The following RICTOR variants were observed in gnomAD, a reference collection of about 807,000 sequenced individuals.
RICTOR encodes RPTOR independent companion of MTOR complex 2.
RICTOR carries 49 observed loss-of-function variants against 214.9 expected under a neutral mutation model. The observed-to-expected ratio is 0.23, with a 90% CI of 0.18 to 0.29. The LOEUF (loss-of-function observed/expected upper bound fraction) is 0.29. Ranked by LOEUF, RICTOR falls within the 10% of genes least tolerant of loss-of-function variation. RICTOR has a pLI of 1.00. For synonymous variants in RICTOR, 717 were observed against 711.3 expected (o/e 1.01, Z -0.13); for missense variants, 1,625 against 2,047.0 (o/e 0.79, Z 3.98).
chr5:39,067,639 GAACA>G (rs1758998988), intron 2 of RICTOR, among the ~76,000 whole-genome samples: 1 of 151,942 alleles, frequency 6.6e-6, no homozygotes, highest in Non-Finnish European at 1.5e-5. Context: ...CTTACACACA[GAACA>G]ATCAGACTAG....
intron 8 of RICTOR, among the ~76,000 whole-genome samples, chr5:38,979,180 C>G (rs773189966): frequency 2.0e-4 from 31 of 152,164 alleles, no homozygotes; most frequent in Admixed American, 2.0e-3. Flanking sequence ...AGATCTTACT[C>G]TACTGTGCAG....
At chr5:38,952,040 T>G (rs1748834125) in intron 30 of RICTOR, among the ~76,000 whole-genome samples, 156 bp downstream of exon 30, 1 of 152,006 alleles carries the variant, frequency 6.6e-6, no homozygotes, top group Non-Finnish European at 1.5e-5. Flanking sequence ...ATACTCTTTG[T>G]TATGAAAATA....
intron 32 of RICTOR, 145 bp from the exon 33 acceptor site, chr5:38,946,697 C>A: frequency 1.7e-6 from 1 of 589,106 alleles, no homozygotes; most frequent in East Asian, 2.8e-5. Flanking sequence ...GTTCAACTAC[C>A]AAAACTTAAC....
At chr5:38,966,248 T>C (rs1317155338) in intron 15 of RICTOR, among the ~76,000 whole-genome samples, 22 of 152,240 alleles carry the variant, frequency 1.4e-4, no homozygotes, top group Admixed American at 1.3e-3. Context: ...CTGACTACCA[T>C]GTATCAAGTA....
chr5:38,990,041 CAT>C (rs1441839352), intron 7 of RICTOR, among the ~76,000 whole-genome samples: 9 of 152,248 alleles, frequency 5.9e-5, no homozygotes, highest in South Asian at 2.1e-4. Context: ...CACATGCACA[CAT>C]GTGTTTATTG....
chr5:38,939,957 T>C lies in RICTOR; in HGVS notation c.*2347A>G, dbSNP rs1449150864. 5 of 229,118 alleles carry C rather than the reference T, an allele frequency of 2.2e-5. No individual in the cohort carries two copies. Among genetic ancestry groups the C allele is most frequent in the Non-Finnish European group, 3.5e-5 (4 of 115,580 alleles). The allele number at this position is 229,118 out of a possible 1,614,324, so 14.2% of individuals were successfully genotyped here. ...TTTACAAACAAGTACTCAAAGAAAA[T>C]GTATTAGACCTGTCAGTGAAATCAT... On this transcript the variant is annotated 3_prime_UTR_variant, in exon 38 of 38. Transcript: ENST00000357387.
intron 2 of RICTOR, among the ~76,000 whole-genome samples, chr5:39,055,186 T>C (rs894593842): frequency 2.0e-5 from 3 of 152,196 alleles, no homozygotes; most frequent in Non-Finnish European, 2.9e-5. Context: ...CCCTTTGCAG[T>C]TGTACCACCC....
intron 33 of RICTOR, among the ~76,000 whole-genome samples, chr5:38,945,996 G>A (rs1748148556): frequency 6.6e-6 from 1 of 152,076 alleles, no homozygotes; most frequent in Admixed American, 6.6e-5. Context: ...CTAAAGATAT[G>A]TAATAATTCT....
chr5:38,986,830 CTCAT>C (rs1752206611), intron 7 of RICTOR, among the ~76,000 whole-genome samples: 1 of 152,170 alleles, frequency 6.6e-6, no homozygotes, highest in Non-Finnish European at 1.5e-5. Flanking sequence ...CCAGCTTTTG[CTCAT>C]TCAGTATGAT....
At chr5:39,007,880 T>A (rs1483685570) in intron 3 of RICTOR, among the ~76,000 whole-genome samples, 1 of 150,312 alleles carries the variant, frequency 6.7e-6, no homozygotes, top group African/African-American at 2.4e-5. Context: ...TATTATTATA[T>A]ACTGGTAATG....
chr5:38,960,042 CT>C (rs1420921292), intron 20 of RICTOR, 64 bp from the exon 21 acceptor site: 1 of 1,157,158 alleles, frequency 8.6e-7, no homozygotes, highest in East Asian at 2.3e-5. Context: ...AGAAAATCAA[CT>C]TCAATCAAGT....
chr5:38,990,584 A>G (rs1368963653), intron 7 of RICTOR, among the ~76,000 whole-genome samples: 3 of 145,322 alleles, frequency 2.1e-5, no homozygotes, highest in African/African-American at 7.7e-5. Flanking sequence ...TATGATATAT[A>G]CATGATATAT....
chr5:39,065,128 A>T (rs2150212087), intron 2 of RICTOR, among the ~76,000 whole-genome samples: 1 of 152,322 alleles, frequency 6.6e-6, no homozygotes, highest in South Asian at 2.1e-4. Flanking sequence ...TTAATTGGCT[A>T]TCATTTCTGC....
At chr5:38,952,823 C>T (rs1166411388) in intron 29 of RICTOR, among the ~76,000 whole-genome samples, 162 bp downstream of exon 29, 3 of 151,840 alleles carry the variant, frequency 2.0e-5, no homozygotes, top group Non-Finnish European at 4.4e-5. Flanking sequence ...ACAAGGAGTT[C>T]GTTTAGATGT....
chr5:39,007,410 T>C (rs957026270), intron 3 of RICTOR, among the ~76,000 whole-genome samples: 1 of 152,144 alleles, frequency 6.6e-6, no homozygotes, highest in Non-Finnish European at 1.5e-5. Flanking sequence ...TATGACCACA[T>C]TTTTCTTTAA....
chr5:39,038,272 C>A (rs1488699476), intron 2 of RICTOR, among the ~76,000 whole-genome samples: 1 of 152,160 alleles, frequency 6.6e-6, no homozygotes, highest in Non-Finnish European at 1.5e-5. Flanking sequence ...TTCAACAGTC[C>A]TTCATGCTAA....
intron 2 of RICTOR, among the ~76,000 whole-genome samples, chr5:39,050,438 G>A (rs1487271389): frequency 6.6e-6 from 1 of 152,000 alleles, no homozygotes; most frequent in African/African-American, 2.4e-5. Flanking sequence ...CTGGGTTCAA[G>A]CAATTCTCCT....
intron 3 of RICTOR, among the ~76,000 whole-genome samples, chr5:39,019,172 C>T (rs1380175920): frequency 2.6e-5 from 4 of 152,004 alleles, no homozygotes; most frequent in African/African-American, 9.7e-5. Flanking sequence ...AACCCATCTC[C>T]GTAACATAAA....
intron 2 of RICTOR, among the ~76,000 whole-genome samples, chr5:39,072,531 T>A (rs1759392780): frequency 6.6e-6 from 1 of 152,222 alleles, no homozygotes; most frequent in South Asian, 2.1e-4. Flanking sequence ...TTCACCTTCA[T>A]CTAAAACACA....
Sources: gnomAD v4.1 joint callset for allele counts (sites outside exome capture counted in the v4.1 genomes callset) on GRCh38, gnomAD v4.1.1 for gene constraint, MANE v1.5 for transcripts, NCBI Gene and HGNC (gene_info 2026-07-23, HGNC 2026-07-21) for gene names.